DST: variants seen among roughly 807,000 people sequenced by gnomAD.
DST encodes dystonin, also known as bullous pemphigoid antigen.
DST carries 253 observed loss-of-function variants against 875.2 expected under a neutral mutation model. That is an observed-to-expected ratio of 0.29 (90% CI 0.26 to 0.32). The LOEUF is 0.32. Among genes scored for constraint, DST ranks in the 10% least tolerant of loss-of-function variants. The probability of loss-of-function intolerance (pLI) is 1.00; values close to 1 mark genes in which losing one functional copy is unlikely to be tolerated. For missense variants in DST, 8,287 were observed against 9,111.6 expected (o/e 0.91, Z 3.68); for synonymous variants, 3,124 against 3,197.1 (o/e 0.98, Z 0.77).
At chr6:56,806,089 A>G (rs1322832824) in intron 4 of DST, among the ~76,000 whole-genome samples, 1 of 152,246 alleles carries the variant, frequency 6.6e-6, no homozygotes, top group African/African-American at 2.4e-5. Context: ...AAGACTGAGA[A>G]TAACAGTGTA....
At chr6:56,583,316 T>A (rs2098065609) in intron 49 of DST, among the ~76,000 whole-genome samples, 1 of 152,218 alleles carries the variant, frequency 6.6e-6, no homozygotes, top group Non-Finnish European at 1.5e-5. Flanking sequence ...TATCTCATTG[T>A]GGTTTTGATT....
chr6:56,807,983 A>G (rs2099755165), intron 4 of DST, among the ~76,000 whole-genome samples: 2 of 152,188 alleles, frequency 1.3e-5, no homozygotes, highest in Admixed American at 1.3e-4. Context: ...TGATAGAAAA[A>G]AATGTACTAG....
chr6:56,515,523 T>G lies in DST; in HGVS notation c.18503A>C (p.Gln6168Pro), dbSNP rs752217071. 4 of 1,613,858 alleles carry G rather than the reference T, an allele frequency of 2.5e-6. No homozygotes were observed. The African/African-American group carries it at 5.3e-5, about 22-fold the overall frequency. ...EELWPWLTETQSIISQLPAPA... is the reference protein window; with the variant it reads ...EELWPWLTETPSIISQLPAPA... The stretch of plus-strand genomic sequence containing the variant: ...GGCGGGAAGCTGAGAGATGATTGAT[T>G]GTGTTTCTGTCAGCCATGGCCAAAG... The change falls in exon 72 of 104, where the codon CAA becomes CCA. Residue 6168 changes from glutamine to proline, a missense_variant. By Grantham distance (76) the Gln-to-Pro change is moderately conservative. Transcript: ENST00000680361.
At chr6:56,641,199 T>G (rs1009022556) in intron 17 of DST, among the ~76,000 whole-genome samples, 1 of 151,458 alleles carries the variant, frequency 6.6e-6, no homozygotes, top group African/African-American at 2.4e-5. Flanking sequence ...CACTTCTCAG[T>G]GATAAAGGTT....
rs561103841 is a variant in DST, at chr6:56,782,072, C to G, written c.626-46783G>C. Among the ~76,000 whole-genome samples the G allele has an allele frequency of 3.9e-5, 6 of 152,154 alleles. No homozygotes were observed. In the South Asian group the frequency reaches 6.2e-4, roughly 16 times the overall value. ...CCAGCCTTGCATCCCAGGGATGAAA[C>G]CCACTTGATCATGGTGGATAAGCTT... On this transcript the variant is annotated intron_variant, in intron 4 of 103. Transcript: ENST00000680361.
chr6:56,583,497 C>T (rs933267365), intron 49 of DST, among the ~76,000 whole-genome samples: 7 of 152,046 alleles, frequency 4.6e-5, no homozygotes, highest in Admixed American at 3.3e-4. Flanking sequence ...TGGATATTAG[C>T]CCCTTGTCAG....
At chr6:56,830,013 G>C (rs188263607) in intron 4 of DST, among the ~76,000 whole-genome samples, 1 of 152,198 alleles carries the variant, frequency 6.6e-6, no homozygotes, top group East Asian at 1.9e-4. Flanking sequence ...TATAACTCAA[G>C]AATCTACTTA....
chr6:56,726,919 C>A (rs2099462786), intron 5 of DST, among the ~76,000 whole-genome samples: 1 of 152,152 alleles, frequency 6.6e-6, no homozygotes, highest in African/African-American at 2.4e-5. Context: ...ACAGATATAA[C>A]CTGTCCTTAT....
At chr6:56,634,360 A>G in intron 26 of DST, 102 bp from the exon 27 acceptor site, 1 of 1,607,860 alleles carries the variant, frequency 6.2e-7, no homozygotes, top group Non-Finnish European at 8.5e-7. Flanking sequence ...TGAGTTCTAG[A>G]GACTTTTGAT....
rs370481027 is a variant in DST at position 56,587,706 on chromosome 6, A to G, written c.12903+4476T>C. Among the ~76,000 whole-genome samples, 4 of 152,178 alleles carry G rather than the reference A, an allele frequency of 2.6e-5. No individual in the cohort carries two copies. The South Asian group carries it at 6.2e-4, about 24-fold the overall frequency. ...AAGGGAAGCCCATCAGACTAACAGCAGATCTCTCGGCAGAAACTCTACAAG... is the reference window on the plus strand; with the variant it reads ...AAGGGAAGCCCATCAGACTAACAGCGGATCTCTCGGCAGAAACTCTACAAG... On this transcript the variant is annotated intron_variant, in intron 49 of 103. Transcript: ENST00000680361.
intron 3 of DST, among the ~76,000 whole-genome samples, chr6:56,880,336 G>A (rs1017324281): frequency 2.0e-5 from 3 of 152,200 alleles, no homozygotes; most frequent in African/African-American, 7.2e-5. Flanking sequence ...CAGAATAAGA[G>A]ATAGAACTAC....
intron 4 of DST, among the ~76,000 whole-genome samples, chr6:56,822,877 G>A (rs374689979): frequency 4.0e-5 from 6 of 151,468 alleles, no homozygotes; most frequent in Middle Eastern, 3.2e-3. Flanking sequence ...ACCCAGGCTG[G>A]AGTGCAGTGG....
intron 4 of DST, among the ~76,000 whole-genome samples, chr6:56,829,329 A>G (rs1306511514): frequency 6.6e-6 from 1 of 152,242 alleles, no homozygotes; most frequent in African/African-American, 2.4e-5. Flanking sequence ...TAATACATGT[A>G]ATGAGAGTAA....
In DST at chr6:56,764,476, G is replaced by A. The variant is rs567351811; in HGVS notation, c.626-29187C>T. The stretch of plus-strand genomic sequence containing the variant: ...CCTGGGATCCCCTGGCTGCAGGTGC[G>A]GTATGTTTACTCATCTAGCTCCCTA... On this transcript the variant is annotated intron_variant, in intron 4 of 103. Coordinates refer to ENST00000680361, the MANE Select transcript of DST (RefSeq NM_001374736.1). Among the ~76,000 whole-genome samples, 31 of 152,166 alleles carry A rather than the reference G, an allele frequency of 2.0e-4. No homozygotes were observed. The South Asian group carries it at 2.1e-3, about 10-fold the overall frequency.
At chr6:56,654,806 A>C (rs2098997093) in intron 10 of DST, among the ~76,000 whole-genome samples, 1 of 152,124 alleles carries the variant, frequency 6.6e-6, no homozygotes, top group African/African-American at 2.4e-5. Context: ...TTAATACATT[A>C]GCTCACATGA....
intron 50 of DST, among the ~76,000 whole-genome samples, chr6:56,577,277 A>T (rs1325761753): frequency 1.3e-5 from 2 of 152,230 alleles, no homozygotes; most frequent in Non-Finnish European, 2.9e-5. Context: ...CATAAATACA[A>T]ATAAGATAGT....
chr6:56,562,217 A>C lies in DST; in HGVS notation c.14006-17T>G. 6.6e-7 allele frequency: 1 copy of C among 1,505,030 alleles called. No homozygotes were observed. Among genetic ancestry groups the C allele is most frequent in the Non-Finnish European group, 8.9e-7 (1 of 1,117,936 alleles). The allele number at this position is 1,505,030 out of a possible 1,614,324, so 93.2% of individuals were successfully genotyped here. Reference sequence around the variant, plus strand: ...CTGCTCCACCTGCAAAAATAGTAACACTAAAATAATCACAGTTTCATAGTA... The same window carrying C: ...CTGCTCCACCTGCAAAAATAGTAACCCTAAAATAATCACAGTTTCATAGTA... On this transcript the variant is annotated splice_polypyrimidine_tract_variant and intron_variant, in intron 55 of 103. Coordinates refer to ENST00000680361, the MANE Select transcript of DST (RefSeq NM_001374736.1).
chr6:56,684,776 A>G (rs1339595567), intron 9 of DST, among the ~76,000 whole-genome samples: 3 of 152,198 alleles, frequency 2.0e-5, no homozygotes, highest in Non-Finnish European at 4.4e-5. Context: ...ATAGGTCATG[A>G]AAGGGAATCC....
At chr6:56,562,106 T>C in intron 56 of DST, 32 bp downstream of exon 56, 1 of 1,358,574 alleles carries the variant, frequency 7.4e-7, no homozygotes, top group South Asian at 1.4e-5. Flanking sequence ...TCAAATTACA[T>C]TAATCAGTAA....
Sources: gnomAD v4.1 joint callset for allele counts (sites outside exome capture counted in the v4.1 genomes callset) on GRCh38, gnomAD v4.1.1 for gene constraint, MANE v1.5 for transcripts, NCBI Gene and HGNC (gene_info 2026-07-23, HGNC 2026-07-21) for gene names.